The following GAPDHS variants were observed in gnomAD, a reference collection of about 807,000 sequenced individuals.
GAPDHS encodes the protein glyceraldehyde-3-phosphate dehydrogenase, testis-specific.
In GAPDHS, 42 loss-of-function variants were observed where a neutral mutation model predicts 48.7. The observed-to-expected ratio is 0.86, with a 90% CI of 0.67 to 1.12. The LOEUF is 1.12. Among genes scored for constraint, GAPDHS ranks in the 50% most tolerant of loss-of-function variants. The pLI is 0.00. For synonymous variants in GAPDHS, 166 were observed against 219.1 expected (o/e 0.76, Z 2.14); for missense variants, 512 against 557.7 (o/e 0.92, Z 0.82).
In GAPDHS at chr19:35,545,303, A is replaced by T. The variant is rs1196484544; in HGVS notation, c.*133A>T. 1.3e-6 allele frequency: 1 copy of T among 758,776 alleles called. No homozygotes were observed. Among genetic ancestry groups the T allele is most frequent in the Admixed American group, 2.0e-5 (1 of 50,632 alleles). The allele number at this position is 758,776 out of a possible 1,614,324, so 47.0% of individuals were successfully genotyped here. A position where few individuals can be genotyped will look rare whatever the true frequency, so the allele number is the denominator to read the frequency against. On this transcript the variant is annotated 3_prime_UTR_variant, in exon 11 of 11. Coordinates refer to ENST00000222286, the MANE Select transcript of GAPDHS (RefSeq NM_014364.5). ...CACGCCGATGGGTCCATGGTGAAAT[A>T]AAAAACAGTGCTCACGGCTGCGTCC...
chr19:35,538,430 A>G (rs763938421), intron 3 of GAPDHS, 27 bp downstream of exon 3: 7 of 1,078,930 alleles, frequency 6.5e-6, no homozygotes, highest in East Asian at 2.4e-5. Context: ...GGGCAGGAAC[A>G]GCAGGGTGGG....
chr19:35,535,093 C>G (rs1029638763), intron 1 of GAPDHS, among the ~76,000 whole-genome samples: 27 of 152,224 alleles, frequency 1.8e-4, no homozygotes, highest in Admixed American at 1.0e-3. Context: ...TTAACTTGCT[C>G]AAATCCACAG....
At chr19:35,537,074 T>G (rs967510239) in intron 2 of GAPDHS, 84 bp downstream of exon 2, 2 of 1,164,108 alleles carry the variant, frequency 1.7e-6, no homozygotes, top group Non-Finnish European at 1.2e-6. Flanking sequence ...ACCTCCACAT[T>G]TCCCCCCATC....
chr19:35,535,017 G>A (rs1471581188), intron 1 of GAPDHS, among the ~76,000 whole-genome samples: 5 of 152,132 alleles, frequency 3.3e-5, no homozygotes, highest in African/African-American at 1.2e-4. Flanking sequence ...TCCTATGTGT[G>A]GGCCTCGAGA....
chr19:35,542,828 C>T (rs1239500142), intron 6 of GAPDHS, 117 bp from the exon 7 acceptor site: 5 of 821,904 alleles, frequency 6.1e-6, no homozygotes, highest in Admixed American at 3.6e-5. Context: ...ATCCCTCTCA[C>T]CCTCATCCTG....
chr19:35,538,537 C>A (rs2071480655), intron 3 of GAPDHS, 40 bp from the exon 4 acceptor site: 1 of 1,375,696 alleles, frequency 7.3e-7, no homozygotes, highest in Non-Finnish European at 1.0e-6. Context: ...GGATCCTCAC[C>A]CTGCCACCCC....
rs753975422 is a variant in GAPDHS, at chr19:35,543,708, T to C, written c.937T>C (p.Ser313Pro). The C allele has an allele frequency of 6.2e-7, 1 of 1,614,074 alleles. No individual in the cohort carries two copies. Residue 313 changes from serine (S) to proline (P), a missense_variant, in exon 9 of 11, where the codon TCT (serine) becomes CCT (proline). Ser to Pro is a moderately conservative substitution (Grantham distance 74, BLOSUM62 -1). Transcript: ENST00000222286. ...GTTCCGGGTACCAACCCCGGATGTG[T>C]CTGTCGTGGACCTGACCTGCCGCCT... The part of the protein sequence containing the change: ...MAFRVPTPDV[S>P]VVDLTCRLAQ...
intron 4 of GAPDHS, among the ~76,000 whole-genome samples, chr19:35,539,297 C>G (rs1282829631): frequency 2.0e-5 from 3 of 152,218 alleles, no homozygotes. Flanking sequence ...CCATTGACCA[C>G]TGCTGGTCAA....
chr19:35,540,425 C>T (rs1326982588), intron 4 of GAPDHS, among the ~76,000 whole-genome samples: 1 of 152,182 alleles, frequency 6.6e-6, no homozygotes, highest in African/African-American at 2.4e-5. Context: ...GCCAACTCAG[C>T]AATTGTTGCA....
chr19:35,541,939 GA>G, intron 4 of GAPDHS: 2 of 233,842 alleles, frequency 8.6e-6, no homozygotes, highest in Non-Finnish European at 1.7e-5. Flanking sequence ...CTGGGAAGCA[GA>G]AAGCAGCCGG....
chr19:35,534,971 T>C (rs1320119284), intron 1 of GAPDHS, among the ~76,000 whole-genome samples: 2 of 151,806 alleles, frequency 1.3e-5, no homozygotes, highest in African/African-American at 4.8e-5. Flanking sequence ...CAGGAATCTG[T>C]GTAGGATCAG....
intron 1 of GAPDHS, among the ~76,000 whole-genome samples, chr19:35,534,903 C>T (rs1308087672): frequency 6.7e-6 from 1 of 149,400 alleles, no homozygotes. Context: ...GTGCCAAAAA[C>T]TTGGACTCCC....
intron 1 of GAPDHS, among the ~76,000 whole-genome samples, chr19:35,535,576 G>A (rs1167432555): frequency 1.3e-5 from 2 of 151,848 alleles, no homozygotes; most frequent in African/African-American, 4.8e-5. Context: ...TAGTAGAGAC[G>A]GGGTTTCTGC....
rs201514531 is a variant in GAPDHS, at chr19:35,543,341, C to T, written c.743C>T (p.Thr248Ile). Reference protein sequence around the residue: ...ERFGIVEGLMTTVHSYTATQK... With the variant: ...ERFGIVEGLMITVHSYTATQK... ...ATCTTGGTCCTTCTCTTCCCCAAGA[C>T]CACAGTCCATTCCTACACGGCCACC... The change falls in exon 8 of 11, where the codon ACC (threonine) becomes ATC (isoleucine). Residue 248 changes from threonine to isoleucine, a missense_variant and splice_region_variant. Thr to Ile is a moderately conservative substitution (Grantham distance 89). Transcript: ENST00000222286. The T allele has an allele frequency of 6.2e-7, 1 of 1,611,428 alleles. No homozygotes were observed. The highest frequency in any genetic ancestry group is 2.2e-5 in the East Asian group (1 of 44,864).
At chr19:35,535,682 C>T (rs997393400) in intron 1 of GAPDHS, among the ~76,000 whole-genome samples, 8 of 151,164 alleles carry the variant, frequency 5.3e-5, no homozygotes, top group African/African-American at 1.7e-4. Flanking sequence ...CCACCGCTCC[C>T]GGCCTGGAGT....
chr19:35,537,114 A>G (rs1222530355), intron 2 of GAPDHS, 124 bp downstream of exon 2: 18 of 783,396 alleles, frequency 2.3e-5, no homozygotes, highest in Non-Finnish European at 3.3e-5. Context: ...CCCTGGAGAA[A>G]TAGCCCGGAG....
In GAPDHS at chr19:35,535,752, GGAA is replaced by G. The variant is rs2071461720; in HGVS notation, c.68-1058_68-1056del. Among the ~76,000 whole-genome samples, 7 of 149,388 alleles carry G rather than the reference GGAA, an allele frequency of 4.7e-5. No homozygotes were observed. The South Asian group carries it at 1.5e-3, about 32-fold the overall frequency. ...AGACCCACTGAGTCCGATTTTTCTA[GGAA>G]GAGCCCTCCTCAGGTGATTTTTTTT... On this transcript the variant is annotated intron_variant, in intron 1 of 10. Transcript: ENST00000222286.
chr19:35,534,295 C>T (rs1291660954), intron 1 of GAPDHS, among the ~76,000 whole-genome samples: 1 of 152,038 alleles, frequency 6.6e-6, no homozygotes, highest in Non-Finnish European at 1.5e-5. Flanking sequence ...TTCCCAAGGG[C>T]GGGGGCCGCA....
At position 35,545,271 on chromosome 19, in the gene GAPDHS, G is replaced by C; in HGVS notation, c.*101G>C. 2 of 927,640 alleles carry C rather than the reference G, an allele frequency of 2.2e-6. No individual in the cohort carries two copies. Among genetic ancestry groups the C allele is most frequent in the Non-Finnish European group, 3.6e-6 (2 of 562,778 alleles). The allele number at this position is 927,640 out of a possible 1,614,324, so 57.5% of individuals were successfully genotyped here. On this transcript the variant is annotated 3_prime_UTR_variant, in exon 11 of 11. Coordinates refer to ENST00000222286, the MANE Select transcript of GAPDHS (RefSeq NM_014364.5). ...CGGGGGAGGAAGGACACCCGGGGCG[G>C]GCGCCCCACGCCGATGGGTCCATGG... is the stretch of plus-strand genomic sequence containing the variant.
Sources: allele counts gnomAD v4.1 joint callset (sites outside exome capture counted in the v4.1 genomes callset), GRCh38; gene constraint gnomAD v4.1.1; transcripts MANE v1.5; gene names NCBI Gene and HGNC (gene_info 2026-07-23, HGNC 2026-07-21).